The following CALN1 variants were observed in gnomAD, a reference collection of about 807,000 sequenced individuals.
CALN1 encodes the protein calcium-binding protein 8.
In CALN1, 17 loss-of-function variants were observed where a neutral mutation model predicts 30.6. The observed-to-expected ratio is 0.56, with a 90% CI of 0.38 to 0.83. CALN1 has a LOEUF of 0.83. Ranked by LOEUF, CALN1 falls within the 40% of genes least tolerant of loss-of-function variation. The pLI, the probability that CALN1 is intolerant of heterozygous loss-of-function variation, is 0.00. For missense variants in CALN1, 291 were observed against 354.9 expected (o/e 0.82, Z 1.45); for synonymous variants, 156 against 131.4 (o/e 1.19, Z -1.28).
the CALN1 span, among the ~76,000 whole-genome samples, chr7:72,461,292 C>A: frequency 6.6e-6 from 1 of 152,178 alleles, no homozygotes; most frequent in Non-Finnish European, 1.5e-5. Flanking sequence ...CCACCAAACC[C>A]AATCCCATTG....
At chr7:71,830,495 C>T in intron 5 of CALN1, among the ~76,000 whole-genome samples, 1 of 151,812 alleles carries the variant, frequency 6.6e-6, no homozygotes, top group South Asian at 2.1e-4. Context: ...GTACAGGTGC[C>T]CACCACCATG....
chr7:72,222,212 C>A (rs1351305346), intron 3 of CALN1, among the ~76,000 whole-genome samples: 2 of 148,644 alleles, frequency 1.3e-5, no homozygotes, highest in African/African-American at 5.0e-5. Flanking sequence ...GGTAACAGAG[C>A]GAGACTCCGT....
chr7:71,795,814 CTTTTTTTTTTTT>C (rs55667543), intron 6 of CALN1, among the ~76,000 whole-genome samples: 1 of 98,588 alleles, frequency 1.0e-5, no homozygotes, highest in Non-Finnish European at 1.9e-5. Context: ...GTACTTCATT[CTTTTTTTTTTTT>C]TTTTTTTTTT....
At chr7:71,918,475 A>T (rs1794788460) in intron 5 of CALN1, among the ~76,000 whole-genome samples, 1 of 152,144 alleles carries the variant, frequency 6.6e-6, no homozygotes. Flanking sequence ...GTTTCTGATG[A>T]TTTAGGAGGT....
chr7:71,788,225 G>C (rs1793088782), intron 6 of CALN1, among the ~76,000 whole-genome samples: 1 of 152,102 alleles, frequency 6.6e-6, no homozygotes, highest in Admixed American at 6.5e-5. Flanking sequence ...CGGAAATATG[G>C]GACATTCCAG....
At chr7:72,418,875 G>C (rs1348051267) in intron 1 of CALN1, among the ~76,000 whole-genome samples, 1 of 152,114 alleles carries the variant, frequency 6.6e-6, no homozygotes, top group East Asian at 1.9e-4. Context: ...AATTAGCCAG[G>C]CATGGTGATG....
intron 5 of CALN1, among the ~76,000 whole-genome samples, chr7:71,994,527 A>AAAAAAAAC (rs1562962962): frequency 6.6e-6 from 1 of 151,740 alleles, no homozygotes; most frequent in African/African-American, 2.4e-5. Context: ...AAAAAAAAAA[A>AAAAAAAAC]AAAAAACAGT....
At chr7:72,103,620 C>T (rs1806858646) in intron 4 of CALN1, among the ~76,000 whole-genome samples, 1 of 152,096 alleles carries the variant, frequency 6.6e-6, no homozygotes, top group Non-Finnish European at 1.5e-5. Context: ...AAACAGGGTG[C>T]TTTTGCTACT....
At chr7:72,148,097 A>T (rs1458919176) in intron 3 of CALN1, among the ~76,000 whole-genome samples, 7 of 138,304 alleles carry the variant, frequency 5.1e-5, no homozygotes, top group Admixed American at 7.3e-5. Context: ...ATAATAAAAA[A>T]AAATAAAAAA....
At chr7:72,263,902 A>C (rs1796442072) in intron 3 of CALN1, among the ~76,000 whole-genome samples, 1 of 152,202 alleles carries the variant, frequency 6.6e-6, no homozygotes, top group Non-Finnish European at 1.5e-5. Context: ...GTCCTCCTGC[A>C]GGCTTCAAGG....
In CALN1 at chr7:71,794,051, CT is replaced by C. The variant is rs372974760; in HGVS notation, c.659-6150del. 7.5e-3 allele frequency among the ~76,000 whole-genome samples: 1,133 copies of C among 151,280 alleles called. 11 individuals carry two copies. The highest frequency in any genetic ancestry group is 0.011 in the Non-Finnish European group (744 of 67,780). Reference sequence around the variant, plus strand: ...AGCGGGTTGGGTACTGCGTTAAGTGCTTTTTTTTTATGTGCAGAGGTTGCAT... The same window carrying C: ...AGCGGGTTGGGTACTGCGTTAAGTGCTTTTTTTTATGTGCAGAGGTTGCAT... On this transcript the variant is annotated intron_variant, in intron 6 of 6. Coordinates refer to ENST00000395275, the MANE Select transcript of CALN1 (RefSeq NM_031468.4).
At chr7:72,461,183 G>A in the CALN1 span, among the ~76,000 whole-genome samples, 1 of 152,098 alleles carries the variant, frequency 6.6e-6, no homozygotes, top group African/African-American at 2.4e-5. Context: ...GAGACTGTGA[G>A]GAAAAGGGAA....
intron 2 of CALN1, among the ~76,000 whole-genome samples, chr7:72,298,679 A>C (rs1370767964): frequency 6.6e-6 from 1 of 152,042 alleles, no homozygotes; most frequent in Non-Finnish European, 1.5e-5. Flanking sequence ...TCCCAAGCCA[A>C]ATCTCATCTT....
chr7:72,435,492 G>A (rs889649253), intron 1 of CALN1, among the ~76,000 whole-genome samples: 1 of 152,186 alleles, frequency 6.6e-6, no homozygotes, highest in African/African-American at 2.4e-5. Context: ...CGGCCTGCGG[G>A]GGCCTCCTGG....
intron 3 of CALN1, among the ~76,000 whole-genome samples, chr7:72,153,781 A>T (rs1035034595): frequency 6.6e-6 from 1 of 152,212 alleles, no homozygotes; most frequent in Non-Finnish European, 1.5e-5. Flanking sequence ...ATCGCAGGAC[A>T]TCCACTGGGT....
rs182022643 is a variant in CALN1 at position 71,815,055 on chromosome 7, G to C, written c.502-4563C>G. Among the ~76,000 whole-genome samples, 6 of 152,114 alleles carry C rather than the reference G, an allele frequency of 3.9e-5. No homozygotes were observed. In the East Asian group the frequency reaches 9.7e-4, roughly 25 times the overall value. On this transcript the variant is annotated intron_variant, in intron 5 of 6. Transcript: ENST00000395275. ...TCACCGTGTTAGCCAGGATGGTCTG[G>C]ATCTCCTGACCCTGTGATCTGCCCG...
intron 3 of CALN1, among the ~76,000 whole-genome samples, chr7:72,253,514 T>A (rs1372658893): frequency 6.6e-6 from 1 of 152,170 alleles, no homozygotes; most frequent in Non-Finnish European, 1.5e-5. Flanking sequence ...TGGCTGAAGT[T>A]GAAAGGGAAA....
At chr7:72,478,425 G>T in the CALN1 span, among the ~76,000 whole-genome samples, 1 of 149,816 alleles carries the variant, frequency 6.7e-6, no homozygotes, top group African/African-American at 2.5e-5. Flanking sequence ...TTAGATGGGT[G>T]TGGTGGCATG....
At chr7:72,305,248 A>T (rs1562864215) in intron 2 of CALN1, among the ~76,000 whole-genome samples, 1 of 152,234 alleles carries the variant, frequency 6.6e-6, no homozygotes, top group Non-Finnish European at 1.5e-5. Context: ...TGCTGGAAGA[A>T]ATCCTGCACC....
Sources: gnomAD v4.1 joint callset for allele counts (sites outside exome capture counted in the v4.1 genomes callset) on GRCh38, gnomAD v4.1.1 for gene constraint, MANE v1.5 for transcripts, NCBI Gene and HGNC (gene_info 2026-07-23, HGNC 2026-07-21) for gene names.